JCAD: variants seen among roughly 807,000 people sequenced by gnomAD.
JCAD encodes the protein junctional cadherin 5-associated protein.
JCAD carries 40 observed loss-of-function variants against 98.0 expected under a neutral mutation model. That is an observed-to-expected ratio of 0.41 (90% CI 0.32 to 0.53). JCAD has a LOEUF of 0.53. JCAD is among the 20% of genes least tolerant of loss of function. The pLI is 0.31. For synonymous variants in JCAD, 691 were observed against 682.3 expected (o/e 1.01, Z -0.20); for missense variants, 1,705 against 1,738.1 (o/e 0.98, Z 0.34).
chr10:30,075,387 A>T (rs1589707129), intron 1 of JCAD, among the ~76,000 whole-genome samples: 1 of 152,170 alleles, frequency 6.6e-6, no homozygotes, highest in South Asian at 2.1e-4. Flanking sequence ...TGCTCTTCTC[A>T]TTAAACCCGT....
At chr10:30,112,297 G>A (rs1838716208) in intron 1 of JCAD, among the ~76,000 whole-genome samples, 1 of 150,576 alleles carries the variant, frequency 6.6e-6, no homozygotes, top group South Asian at 2.1e-4. Flanking sequence ...AACAAAATGA[G>A]ACCCTGTCTC....
At position 30,059,200 on chromosome 10, in the gene JCAD, C is replaced by T. The variant is rs1030991355; in HGVS notation, c.-60+282G>A. On this transcript the variant is annotated intron_variant, in intron 1 of 3. Transcript: ENST00000375377. The surrounding 1 kb of genome is among the most constrained non-coding windows in gnomAD (Gnocchi z 5.0). ...GCCCGCGGTGCCCGCCCCGGGACCC[C>T]CGCGCTCCGAGCGGGGCACCTGAGG... 6.6e-6 allele frequency among the ~76,000 whole-genome samples: 1 copy of T among 151,540 alleles called. No individual in the cohort carries two copies. The highest frequency in any genetic ancestry group is 1.5e-5 in the Non-Finnish European group (1 of 67,820).
rs80260756 is a variant in JCAD at position 30,066,034 on chromosome 10, T to A, written n.250+3666A>T. On this transcript the variant is annotated intron_variant and non_coding_transcript_variant, in intron 2 of 2. Coordinates refer to the JCAD transcript ENST00000465712. ...TACAGTAAAGTGTGAGAAGCAGGGA[T>A]GGAGCACAATAAATAGAAATGATCT... Among the ~76,000 whole-genome samples the A allele has an allele frequency of 8.6e-3, 1,306 of 152,278 alleles. 10 individuals carry two copies. The highest frequency in any genetic ancestry group is 0.054 in the Middle Eastern group (16 of 294).
intron 3 of JCAD, among the ~76,000 whole-genome samples, chr10:30,024,784 C>T (rs1015522545): frequency 6.6e-6 from 1 of 151,184 alleles, no homozygotes; most frequent in Admixed American, 6.6e-5. Context: ...CAAGCTCCGC[C>T]TCCCAGGTTC....
At chr10:30,091,263 GC>G (rs1329069547) in intron 1 of JCAD, among the ~76,000 whole-genome samples, 1 of 152,140 alleles carries the variant, frequency 6.6e-6, no homozygotes, top group Admixed American at 6.5e-5. Context: ...TTTAAAGGAA[GC>G]TCTTGTCAAA....
rs1836572913 is a variant in JCAD, at chr10:30,017,980, T to A, written c.4046-63A>T. Reference sequence around the variant, plus strand: ...TTCAACTGCTCTATTTTCTGTTTAATCCTTAGACCACGAATTTGTCTAGGG... The same window carrying A: ...TTCAACTGCTCTATTTTCTGTTTAAACCTTAGACCACGAATTTGTCTAGGG... On this transcript the variant is annotated intron_variant, in intron 3 of 3. Transcript: ENST00000375377. The A allele has an allele frequency of 1.4e-5, 18 of 1,298,514 alleles. No homozygotes were observed. The South Asian group carries it at 1.9e-4, about 14-fold the overall frequency. 80.4% of individuals were successfully genotyped at this position (1,298,514 alleles called of 1,614,324 possible).
intron 1 of JCAD, among the ~76,000 whole-genome samples, chr10:30,051,228 C>T (rs1837459840): frequency 1.3e-5 from 2 of 151,978 alleles, no homozygotes; most frequent in African/African-American, 4.8e-5. Context: ...AGCAGAATGG[C>T]TCTTCTAGAT....
chr10:30,029,498 C>T lies in JCAD; in HGVS notation c.650G>A (p.Gly217Glu), dbSNP rs1289005376. ...LFQDLYPFIQ[G>E]EHVLNSQNKG... ...GTTTTGAGAATTCAACACATGTTCT[C>T]CTTGAATGAATGGGTACAGGTCTTG... The change falls in exon 3 of 4, where the codon GGA becomes GAA. Residue 217 changes from glycine to glutamate, a missense_variant. By Grantham distance (98) the Gly-to-Glu change is moderately conservative. Transcript: ENST00000375377. The T allele has an allele frequency of 6.2e-7, 1 of 1,614,068 alleles. No individual in the cohort carries two copies. The highest frequency in any genetic ancestry group is 2.2e-5 in the East Asian group (1 of 44,900).
At chr10:30,079,588 ATTG>A (rs1838044202) in intron 1 of JCAD, among the ~76,000 whole-genome samples, 1 of 152,120 alleles carries the variant, frequency 6.6e-6, no homozygotes, top group Non-Finnish European at 1.5e-5. Context: ...CTGGTCATGG[ATTG>A]GCTGCCCTTG....
intron 2 of JCAD, among the ~76,000 whole-genome samples, chr10:30,044,456 T>C (rs1837296467): frequency 6.6e-6 from 1 of 152,120 alleles, no homozygotes; most frequent in Admixed American, 6.5e-5. Flanking sequence ...GAAGAGGAAC[T>C]CTCGTGACCC....
upstream of JCAD, among the ~76,000 whole-genome samples, chr10:30,061,772 G>A (rs919186759): frequency 1.3e-5 from 2 of 151,450 alleles, no homozygotes; most frequent in African/African-American, 4.9e-5. Context: ...ATTAACAGCA[G>A]TGATATTACT....
intron 2 of JCAD, among the ~76,000 whole-genome samples, chr10:30,036,615 T>G (rs1837117423): frequency 6.6e-6 from 1 of 152,148 alleles, no homozygotes; most frequent in Non-Finnish European, 1.5e-5. Context: ...GAGCACGGGA[T>G]AGATGTGTGG....
At chr10:30,047,394 A>C in intron 2 of JCAD, 138 bp downstream of exon 2, 1 of 1,075,462 alleles carries the variant, frequency 9.3e-7, no homozygotes, top group Non-Finnish European at 1.3e-6. Flanking sequence ...CAAAAAGCAA[A>C]AAAAGTGTTC....
intron 3 of JCAD, among the ~76,000 whole-genome samples, chr10:30,019,448 A>T (rs540882339): frequency 6.6e-6 from 1 of 151,926 alleles, no homozygotes; most frequent in Non-Finnish European, 1.5e-5. Context: ...AAATCCTGCC[A>T]TTTTACAACA....
chr10:30,065,502 G>A (rs140576460), intron 2 of JCAD, among the ~76,000 whole-genome samples: 9 of 151,382 alleles, frequency 5.9e-5, no homozygotes, highest in African/African-American at 2.0e-4. Context: ...AGACTATATC[G>A]CATAATTTTT....
At chr10:30,092,092 G>T (rs1350939684) in intron 1 of JCAD, among the ~76,000 whole-genome samples, 42 of 7,964 alleles carry the variant, frequency 5.3e-3, no homozygotes, top group South Asian at 0.016. Context: ...TATATATAAA[G>T]TTACTTTATA....
intron 1 of JCAD, among the ~76,000 whole-genome samples, chr10:30,086,789 T>C (rs1355418779): frequency 1.3e-5 from 2 of 152,238 alleles, no homozygotes; most frequent in Admixed American, 6.5e-5. Flanking sequence ...TCCTATACCT[T>C]TTATAAATAA....
chr10:30,040,597 A>G (rs1156702984), intron 2 of JCAD, among the ~76,000 whole-genome samples: 1 of 152,234 alleles, frequency 6.6e-6, no homozygotes, highest in Non-Finnish European at 1.5e-5. Flanking sequence ...ACGGTTCTTC[A>G]GAAGCCAAGA....
rs781724459 is a variant in JCAD at position 30,082,680 on chromosome 10, C to T, written n.129-12859G>A. 6.9e-4 allele frequency among the ~76,000 whole-genome samples: 105 copies of T among 151,754 alleles called. 1 individual carries two copies. Among genetic ancestry groups the T allele is most frequent in the Admixed American group, 4.6e-4 (7 of 15,212 alleles). On this transcript the variant is annotated intron_variant and non_coding_transcript_variant, in intron 1 of 2. Coordinates refer to the JCAD transcript ENST00000465712. ...CAGCCTGACCAACATGGAGAAACCC[C>T]ATCTGTACTAAAAACACAAAATTGG...
Sources: allele counts gnomAD v4.1 joint callset (sites outside exome capture counted in the v4.1 genomes callset), GRCh38; gene constraint gnomAD v4.1.1; non-coding constraint Gnocchi (gnomAD v3.1); transcripts MANE v1.5; gene names NCBI Gene and HGNC (gene_info 2026-07-23, HGNC 2026-07-21).